The following PIGF variants were observed in gnomAD, a reference collection of about 807,000 sequenced individuals.
The protein encoded by PIGF is GPI ethanolamine phosphate transferase, stabilizing subunit.
A neutral mutation model predicts 26.0 loss-of-function variants in PIGF; 23 were observed. The ratio of observed to expected loss-of-function variants is 0.88; its 90% CI spans 0.64 to 1.25. The LOEUF (loss-of-function observed/expected upper bound fraction) is 1.25. Among genes scored for constraint, PIGF ranks in the 50% most tolerant of loss-of-function variants. PIGF has a pLI of 0.00. For synonymous variants in PIGF, 93 were observed against 92.6 expected (o/e 1.00, Z -0.03); for missense variants, 278 against 249.9 (o/e 1.11, Z -0.76).
Position 46,588,251 on chromosome 2 carries a change from G to T in PIGF, c.546+4224C>A. On this transcript the variant is annotated intron_variant, in intron 5 of 5. Transcript: ENST00000281382. This position sits in a 1 kb window ranked among gnomAD's most constrained non-coding sequence, Gnocchi z 4.1. ...TAAATTGGCATAACTAAATACCAGA[G>T]AAATAGATAAATTAACAGTCCACTC... 6.3e-7 allele frequency: 1 copy of T among 1,575,940 alleles called. No homozygotes were observed. Among genetic ancestry groups the T allele is most frequent in the Non-Finnish European group, 8.6e-7 (1 of 1,163,534 alleles).
intron 1 of PIGF, 55 bp downstream of exon 1, chr2:46,616,915 G>C: frequency 2.5e-6 from 1 of 401,630 alleles, no homozygotes; most frequent in South Asian, 2.4e-5. Flanking sequence ...GGCAATTCGC[G>C]GGGGTAGCTT....
intron 5 of PIGF, among the ~76,000 whole-genome samples, chr2:46,586,619 A>T (rs1037710978): frequency 6.6e-6 from 1 of 152,184 alleles, no homozygotes; most frequent in South Asian, 2.1e-4. Context: ...ATCTCTCATG[A>T]GCTACTTTTC....
chr2:46,583,538 C>A (rs1288050388), intron 5 of PIGF, among the ~76,000 whole-genome samples: 1 of 152,112 alleles, frequency 6.6e-6, no homozygotes, highest in Non-Finnish European at 1.5e-5. Flanking sequence ...GTTTGGAGTT[C>A]CCCATTGCTT....
At position 46,614,970 on chromosome 2, in the gene PIGF, A is replaced by G. The variant is rs1221230921; in HGVS notation, c.195T>C (p.Asn65=). The G allele has an allele frequency of 1.1e-5, 17 of 1,585,468 alleles. No homozygotes were observed. The highest frequency in any genetic ancestry group is 1.3e-5 in the Non-Finnish European group (15 of 1,154,062). The change falls in exon 2 of 6, where the codon AAT becomes AAC. Residue 65 remains asparagine (N), a synonymous_variant. Transcript: ENST00000281382. ...NLVLYLVVKP[N]TSSKRSSLSH... ...ATAATGAACTTCTTTTAGAGGATGT[A>G]TTTGGTTTCACTACTAAATATAGTA... is the stretch of plus-strand genomic sequence containing the variant.
chr2:46,614,619 C>G (rs1448983022), intron 2 of PIGF: 1 of 178,280 alleles, frequency 5.6e-6, no homozygotes, highest in Non-Finnish European at 1.2e-5. Flanking sequence ...ACTGCAATGT[C>G]TTATTGAGTA....
At position 46,581,511 on chromosome 2, in the gene PIGF, C is replaced by A; in HGVS notation, c.627G>T (p.Trp209Cys). Reference protein sequence around the residue: ...GLVISPLWIYWNRKQLTYKNN With the variant: ...GLVISPLWIYCNRKQLTYKNN Reference sequence around the variant, plus strand: ...TCTTGTATGTAAGTTGCTTTCTATTCCAGTATATCCAGAGTGGTGAAATAA... The same window carrying A: ...TCTTGTATGTAAGTTGCTTTCTATTACAGTATATCCAGAGTGGTGAAATAA... The change falls in exon 6 of 6, where the codon TGG becomes TGT. Residue 209 changes from tryptophan to cysteine, a missense_variant. By Grantham distance (215) the Trp-to-Cys change is radical. Coordinates refer to ENST00000281382, the MANE Select transcript of PIGF (RefSeq NM_002643.4). 1 of 1,611,462 alleles carries A rather than the reference C, an allele frequency of 6.2e-7. No homozygotes were observed.
intron 4 of PIGF, among the ~76,000 whole-genome samples, chr2:46,597,475 C>T (rs564124877): frequency 4.8e-4 from 73 of 151,696 alleles, no homozygotes; most frequent in African/African-American, 1.7e-3. Context: ...TGCAGTGGCA[C>T]GATCTTGGCT....
chr2:46,613,583 G>C (rs1446456841), intron 3 of PIGF, 111 bp downstream of exon 3: 1 of 693,898 alleles, frequency 1.4e-6, no homozygotes, highest in Admixed American at 3.6e-5. Flanking sequence ...GTCCTTACTT[G>C]ATCTATTAAT....
chr2:46,602,021 A>G (rs1247683964), intron 4 of PIGF, among the ~76,000 whole-genome samples: 2 of 149,538 alleles, frequency 1.3e-5, no homozygotes, highest in African/African-American at 5.1e-5. Context: ...TTCCTTTATA[A>G]GAAAGTCTGC....
At chr2:46,581,815 T>C (rs532282615) in intron 5 of PIGF, 17 of 501,458 alleles carry the variant, frequency 3.4e-5, no homozygotes, top group East Asian at 5.1e-5. Flanking sequence ...TAGATTTAGT[T>C]TGACGCTCCC....
intron 4 of PIGF, among the ~76,000 whole-genome samples, chr2:46,598,137 T>C (rs545672335): frequency 6.6e-6 from 1 of 152,338 alleles, no homozygotes; most frequent in South Asian, 2.1e-4. Context: ...CTACTTCCGT[T>C]GAGTATTTTT....
chr2:46,606,873 G>A (rs2104122723), intron 4 of PIGF, among the ~76,000 whole-genome samples: 1 of 152,282 alleles, frequency 6.6e-6, no homozygotes, highest in South Asian at 2.1e-4. Context: ...ACTGATAAAT[G>A]GGTAAACAAA....
At chr2:46,591,092 A>T (rs564895151) in intron 5 of PIGF, among the ~76,000 whole-genome samples, 1 of 152,374 alleles carries the variant, frequency 6.6e-6, no homozygotes, top group East Asian at 1.9e-4. Flanking sequence ...GCAAAGATGT[A>T]TAAGTATGAT....
At chr2:46,606,110 A>T (rs560857119) in intron 4 of PIGF, among the ~76,000 whole-genome samples, 25 of 152,266 alleles carry the variant, frequency 1.6e-4, no homozygotes, top group African/African-American at 5.8e-4. Context: ...TCCATAAGCA[A>T]GAAGAAAGTT....
At chr2:46,587,460 T>A (rs894897630) in intron 5 of PIGF, among the ~76,000 whole-genome samples, 4 of 151,646 alleles carry the variant, frequency 2.6e-5, no homozygotes, top group Admixed American at 6.6e-5. Flanking sequence ...ACCCAAAAAA[T>A]TTTTAAATAC....
In PIGF at chr2:46,581,154, C is replaced by G; in HGVS notation, c.*324G>C. The G allele has an allele frequency of 3.9e-6, 5 of 1,275,540 alleles. No homozygotes were observed. Among genetic ancestry groups the G allele is most frequent in the Non-Finnish European group, 5.4e-6 (5 of 929,568 alleles). 79.0% of individuals were successfully genotyped at this position (1,275,540 alleles called of 1,614,324 possible). ...GCAAATGAAATGCTACAGCTATACC[C>G]AGACCTTTTATAGGTAATGAAGCAG... On this transcript the variant is annotated 3_prime_UTR_variant, in exon 6 of 6. Transcript: ENST00000281382.
chr2:46,612,505 C>T (rs1383801873), intron 3 of PIGF, among the ~76,000 whole-genome samples, 161 bp from the exon 4 acceptor site: 1 of 152,084 alleles, frequency 6.6e-6, no homozygotes, highest in Non-Finnish European at 1.5e-5. Context: ...ATTTTACCAC[C>T]AACATGTAGC....
intron 4 of PIGF, among the ~76,000 whole-genome samples, chr2:46,593,710 A>C (rs1009785690): frequency 6.6e-6 from 1 of 152,230 alleles, no homozygotes; most frequent in African/African-American, 2.4e-5. Context: ...ACTGCAATGC[A>C]CTAAGTGGGG....
In PIGF at chr2:46,592,581, ACT is replaced by A; in HGVS notation, c.438_439del (p.Val147TyrfsTer7). The A allele has an allele frequency of 6.6e-7, 1 of 1,504,474 alleles. No individual in the cohort carries two copies. The highest frequency in any genetic ancestry group is 9.3e-7 in the Non-Finnish European group (1 of 1,079,872). The allele number at this position is 1,504,474 out of a possible 1,614,324, so 93.2% of individuals were successfully genotyped here. A position where few individuals can be genotyped will look rare whatever the true frequency, so the allele number is the denominator to read the frequency against. On this transcript the variant is annotated frameshift_variant and splice_region_variant, in exon 5 of 6. Coordinates refer to ENST00000281382, the MANE Select transcript of PIGF (RefSeq NM_002643.4). LOFTEE classifies it high-confidence loss of function. ...GAGACTATTCTCCCATATGGATGTA[ACT>A]CTGTGAAACACAAATTGGTACATCG...
Sources: gnomAD v4.1 joint callset for allele counts (sites outside exome capture counted in the v4.1 genomes callset) on GRCh38, gnomAD v4.1.1 for gene constraint, Gnocchi (gnomAD v3.1) non-coding constraint, MANE v1.5 for transcripts, NCBI Gene and HGNC (gene_info 2026-07-23, HGNC 2026-07-21) for gene names.